The following GEMIN7 variants were observed in gnomAD, a reference collection of about 807,000 sequenced individuals.
The protein encoded by GEMIN7 is gem-associated protein 7.
Under a neutral mutation model 7.8 loss-of-function variants are expected in GEMIN7, and 7 were observed. That is an observed-to-expected ratio of 0.90 (90% confidence interval 0.51 to 1.69). The LOEUF is 1.69. Among genes scored for constraint, GEMIN7 ranks in the 40% most tolerant of loss-of-function variants. The probability of loss-of-function intolerance (pLI) is 0.00; values close to 1 mark genes in which losing one functional copy is unlikely to be tolerated. For synonymous variants in GEMIN7, 68 were observed against 72.4 expected (o/e 0.94, Z 0.31); for missense variants, 159 against 176.2 (o/e 0.90, Z 0.55).
chr19:45,089,249 C>T (rs1360052599), intron 2 of GEMIN7, among the ~76,000 whole-genome samples: 1 of 152,090 alleles, frequency 6.6e-6, no homozygotes, highest in African/African-American at 2.4e-5. Flanking sequence ...GCCCTATCCA[C>T]ACATTTTTGC....
At chr19:45,088,558 C>T (rs1355645446) in intron 2 of GEMIN7, 2 of 151,940 alleles carry the variant, frequency 1.3e-5, no homozygotes, top group Admixed American at 1.3e-4. Context: ...AACTCCTGAA[C>T]GCAAGCAATC....
intron 2 of GEMIN7, among the ~76,000 whole-genome samples, chr19:45,088,038 C>A (rs1967761436): frequency 6.8e-6 from 1 of 146,708 alleles, no homozygotes; most frequent in Non-Finnish European, 1.5e-5. Context: ...CTCTGCTTCC[C>A]AAGTTCAAGT....
At position 45,083,958 on chromosome 19, in the gene GEMIN7, A is replaced by T. The variant is rs8111408; in HGVS notation, c.-9+3929A>T. ...GGGCACGGTGGCTCACGCCTGTAAT[A>T]CTAGCACTTTGGGAGGCCAAGGCGG... On this transcript the variant is annotated intron_variant, in intron 2 of 2. Coordinates refer to ENST00000270257, the MANE Select transcript of GEMIN7 (RefSeq NM_024707.3). 3.3e-5 allele frequency among the ~76,000 whole-genome samples: 5 copies of T among 151,244 alleles called. No individual in the cohort carries two copies. In the East Asian group the frequency reaches 9.8e-4, roughly 30 times the overall value.
At chr19:45,085,615 A>G (rs1208962835) in intron 2 of GEMIN7, 1 of 152,124 alleles carries the variant, frequency 6.6e-6, no homozygotes, top group South Asian at 2.1e-4. Flanking sequence ...AGGGGCTCAC[A>G]GTTCAGGTGC....
Position 45,090,334 on chromosome 19 carries a change from G to A in GEMIN7, c.220G>A (p.Val74Met). Residue 74 changes from valine to methionine, a missense_variant, in exon 3 of 3, where the codon GTG (valine) becomes ATG (methionine). Transcript: ENST00000270257. ...TTACCTCCGCAGCCTGCTGGCCATG[G>A]TGGGTCATCAGGTGAGCTTCACGTT... Reference protein sequence around the residue: ...ERYLRSLLAMVGHQVSFTLHE... With the variant: ...ERYLRSLLAMMGHQVSFTLHE... 1 of 1,614,198 alleles carries A rather than the reference G, an allele frequency of 6.2e-7. No homozygotes were observed. Among genetic ancestry groups the A allele is most frequent in the Non-Finnish European group, 8.5e-7 (1 of 1,180,040 alleles).
upstream of GEMIN7, among the ~76,000 whole-genome samples, chr19:45,077,714 AG>A (rs1967383266): frequency 6.6e-6 from 1 of 152,124 alleles, no homozygotes; most frequent in Non-Finnish European, 1.5e-5. Context: ...ACCCTGCTGA[AG>A]GCCTTGCAAA....
At chr19:45,075,940 G>A, upstream of GEMIN7, 1 of 1,593,760 alleles carries the variant, frequency 6.3e-7, no homozygotes, top group Non-Finnish European at 8.6e-7. Flanking sequence ...AGGGGAAACC[G>A]AAGGTCAGAA....
At chr19:45,086,042 T>C (rs972665277) in intron 2 of GEMIN7, among the ~76,000 whole-genome samples, 11 of 151,642 alleles carry the variant, frequency 7.3e-5, no homozygotes, top group African/African-American at 2.4e-4. Context: ...TAATTTTTTG[T>C]ATTTTTAATA....
rs17642665 is a variant in GEMIN7, at chr19:45,091,246, C to G, written c.*736C>G. 23,839 of 167,188 alleles carry G rather than the reference C, an allele frequency of 0.14. 1,887 individuals carry two copies. Among genetic ancestry groups the G allele is most frequent in the Non-Finnish European group, 0.17 (11,337 of 68,108 alleles). 10.4% of individuals were successfully genotyped at this position (167,188 alleles called of 1,614,324 possible). A position where few individuals can be genotyped will look rare whatever the true frequency, so the allele number is the denominator to read the frequency against. On this transcript the variant is annotated 3_prime_UTR_variant, in exon 3 of 3. Transcript: ENST00000270257. The stretch of plus-strand genomic sequence containing the variant: ...CACGACAGCAGATTCGCTGTCCCCT[C>G]GTTGGAGGCGAATGGTCGGACCCCG...
upstream of GEMIN7, chr19:45,076,467 A>C: frequency 1.0e-6 from 1 of 981,020 alleles, no homozygotes; most frequent in Non-Finnish European, 1.3e-6. The surrounding 1 kb of genome is among the most constrained non-coding windows in gnomAD (Gnocchi z 4.9). Flanking sequence ...GTGCGCGCTC[A>C]GGTGAGTGAC....
At chr19:45,082,446 C>G (rs544761006) in intron 2 of GEMIN7, among the ~76,000 whole-genome samples, 6 of 152,298 alleles carry the variant, frequency 3.9e-5, no homozygotes, top group African/African-American at 1.4e-4. Context: ...GCCCTACTCA[C>G]TTTGGGTCAT....
chr19:45,082,126 C>A (rs547131794), intron 2 of GEMIN7, among the ~76,000 whole-genome samples: 14 of 152,178 alleles, frequency 9.2e-5, no homozygotes, highest in Non-Finnish European at 1.9e-4. Context: ...CCATCCTTCA[C>A]TCAGAACTGT....
Position 45,086,343 on chromosome 19 carries a change from C to G in GEMIN7, c.-8-3764C>G, listed in dbSNP as rs565837902. The stretch of plus-strand genomic sequence containing the variant: ...GCCCCAGGGTCTTGGGTACCCAACA[C>G]TTGTCACTCAGCTCAGTTAGTCCTC... On this transcript the variant is annotated intron_variant, in intron 2 of 2. Transcript: ENST00000270257. 2.0e-5 allele frequency among the ~76,000 whole-genome samples: 3 copies of G among 152,230 alleles called. No individual in the cohort carries two copies. The East Asian group carries it at 5.8e-4, about 29-fold the overall frequency.
upstream of GEMIN7, among the ~76,000 whole-genome samples, chr19:45,078,348 C>T (rs1339132940): frequency 6.6e-6 from 1 of 152,230 alleles, no homozygotes; most frequent in African/African-American, 2.4e-5. Flanking sequence ...CCTCAGCCTC[C>T]CAAAGTGCTG....
chr19:45,078,844 C>T (rs536847792), upstream of GEMIN7, among the ~76,000 whole-genome samples: 1 of 152,302 alleles, frequency 6.6e-6, no homozygotes, highest in Non-Finnish European at 1.5e-5. Flanking sequence ...TGATCCAGCC[C>T]AGCTACTTTC....
At chr19:45,077,890 T>C (rs1295209852), upstream of GEMIN7, among the ~76,000 whole-genome samples, 3 of 151,932 alleles carry the variant, frequency 2.0e-5, no homozygotes, top group Non-Finnish European at 4.4e-5. Context: ...TTTTTAATTT[T>C]TCAAAAAAAA....
rs1393104487 is a variant in GEMIN7 at position 45,090,873 on chromosome 19, TC to T, written c.*367del. Reference sequence around the variant, plus strand: ...CAAAGTCCAGCCACCCTGAAGATACTCCCCAGTGCTCCCCTCCTGCTAAAGA... The same window carrying T: ...CAAAGTCCAGCCACCCTGAAGATACTCCCAGTGCTCCCCTCCTGCTAAAGA... On this transcript the variant is annotated 3_prime_UTR_variant, in exon 3 of 3. Transcript: ENST00000270257. The T allele has an allele frequency of 5.1e-6, 1 of 197,990 alleles. No individual in the cohort carries two copies. The highest frequency in any genetic ancestry group is 1.2e-5 in the Non-Finnish European group (1 of 86,064). 12.3% of individuals were successfully genotyped at this position (197,990 alleles called of 1,614,324 possible).
chr19:45,084,271 C>G (rs887338635), intron 2 of GEMIN7, among the ~76,000 whole-genome samples: 2 of 149,208 alleles, frequency 1.3e-5, no homozygotes, highest in African/African-American at 4.9e-5. Flanking sequence ...GTGGCTTAGA[C>G]CTGTAATCCC....
In GEMIN7 at chr19:45,083,086, G is replaced by C. The variant is rs1967555519; in HGVS notation, c.-9+3057G>C. Among the ~76,000 whole-genome samples the C allele has an allele frequency of 3.3e-5, 5 of 152,162 alleles. No homozygotes were observed. The East Asian group carries it at 9.6e-4, about 29-fold the overall frequency. On this transcript the variant is annotated intron_variant, in intron 2 of 2. Coordinates refer to ENST00000270257, the MANE Select transcript of GEMIN7 (RefSeq NM_024707.3). ...GAGCAGTGACAGTAAAATACTTACAGAGAAGGTTCGCAGACCTCTGCTACG... is the reference window on the plus strand; with the variant it reads ...GAGCAGTGACAGTAAAATACTTACACAGAAGGTTCGCAGACCTCTGCTACG...
Sources: gnomAD v4.1 joint callset for allele counts (sites outside exome capture counted in the v4.1 genomes callset) on GRCh38, gnomAD v4.1.1 for gene constraint, Gnocchi (gnomAD v3.1) non-coding constraint, MANE v1.5 for transcripts, NCBI Gene and HGNC (gene_info 2026-07-23, HGNC 2026-07-21) for gene names.